The following ANOS1 variants were observed in gnomAD, a reference collection of about 807,000 sequenced individuals.
ANOS1 encodes anosmin-1.
ANOS1 carries 6 observed loss-of-function variants against 59.0 expected under a neutral mutation model. The observed-to-expected ratio is 0.10, with a 90% CI of 0.06 to 0.20. The LOEUF (loss-of-function observed/expected upper bound fraction) is 0.20. ANOS1 is among the 10% of genes least tolerant of loss of function. ANOS1 has a pLI of 1.00. For missense variants in ANOS1, 433 were observed against 542.3 expected (o/e 0.80, Z 2.00); for synonymous variants, 217 against 223.4 (o/e 0.97, Z 0.25).
At position 8,536,882 on chromosome X, in the gene ANOS1, G is replaced by T. The variant is rs1237350152; in HGVS notation, c.1510C>A (p.Pro504Thr). The T allele has an allele frequency of 8.3e-7, 1 of 1,207,747 alleles. No homozygotes were observed. Among genetic ancestry groups the T allele is most frequent in the Admixed American group, 2.2e-5 (1 of 45,983 alleles). ...FSCKYKVTVQPIRPKSHSKAE... is the reference protein window; with the variant it reads ...FSCKYKVTVQTIRPKSHSKAE... ...TTGGAGTGACTTTTTGGCCGTATTGGTTGGACAGTCACCTTATACTTGCAG... is the reference window on the plus strand; with the variant it reads ...TTGGAGTGACTTTTTGGCCGTATTGTTTGGACAGTCACCTTATACTTGCAG... Residue 504 changes from proline (P) to threonine (T), a missense_variant, in exon 11 of 14, where the codon CCA becomes ACA. Physicochemically the swap from Pro to Thr is conservative, Grantham distance 38. Coordinates refer to ENST00000262648, the MANE Select transcript of ANOS1 (RefSeq NM_000216.4).
rs147553386 is a variant in ANOS1, at chrX:8,621,683, C to T, written c.318+1925G>A. The stretch of plus-strand genomic sequence containing the variant: ...ACCGTGTAAGATCAATAGGATAAAT[C>T]CCTCATTTGAAAAATGAGGTTGAAG... On this transcript the variant is annotated intron_variant, in intron 3 of 13. Coordinates refer to ENST00000262648, the MANE Select transcript of ANOS1 (RefSeq NM_000216.4). Among the ~76,000 whole-genome samples the T allele has an allele frequency of 6.4e-3, 719 of 111,656 alleles. 4 individuals are homozygous for T. Among genetic ancestry groups the T allele is most frequent in the African/African-American group, 0.022 (691 of 30,761 alleles).
At chrX:8,615,901 T>C (rs967741618) in intron 3 of ANOS1, among the ~76,000 whole-genome samples, 1 of 111,185 alleles carries the variant, frequency 9.0e-6, no homozygotes, top group South Asian at 3.8e-4. Flanking sequence ...CCCCCCTTTC[T>C]CCTCTAACAT....
At chrX:8,566,672 T>C (rs1373347713) in intron 8 of ANOS1, among the ~76,000 whole-genome samples, 3 of 111,414 alleles carry the variant, frequency 2.7e-5, no homozygotes, top group African/African-American at 9.8e-5. Context: ...TGAGAACTTT[T>C]AGGTAAAATT....
intron 9 of ANOS1, among the ~76,000 whole-genome samples, chrX:8,546,272 G>GA (rs1486733142): frequency 8.9e-6 from 1 of 111,804 alleles, no homozygotes; most frequent in Non-Finnish European, 1.9e-5. Flanking sequence ...CTGTAAGGAG[G>GA]AAAAATGTGG....
intron 3 of ANOS1, among the ~76,000 whole-genome samples, chrX:8,615,368 C>T (rs927327872): frequency 3.6e-4 from 39 of 109,466 alleles, no homozygotes; most frequent in Non-Finnish European, 5.3e-4. Flanking sequence ...GATGGTGAAA[C>T]CCTGTCTCTA....
At chrX:8,650,169 CAACTGCAG>C (rs1235085017) in intron 2 of ANOS1, among the ~76,000 whole-genome samples, 13 of 112,330 alleles carry the variant, frequency 1.2e-4, no homozygotes, top group African/African-American at 4.2e-4. Flanking sequence ...CATTTCCAGG[CAACTGCAG>C]AACACTGCAG....
chrX:8,654,092 T>C (rs1435308647), intron 2 of ANOS1, among the ~76,000 whole-genome samples: 1 of 111,573 alleles, frequency 9.0e-6, no homozygotes, highest in Non-Finnish European at 1.9e-5. Context: ...CTTCTCTGTC[T>C]TTACTCTCAA....
At chrX:8,722,198 C>A (rs1401240897) in intron 1 of ANOS1, among the ~76,000 whole-genome samples, 1 of 111,816 alleles carries the variant, frequency 8.9e-6, no homozygotes, top group Non-Finnish European at 1.9e-5. Context: ...TAAATCAGTA[C>A]TTTTTAAAAA....
At chrX:8,689,123 T>C (rs1932566070) in intron 2 of ANOS1, among the ~76,000 whole-genome samples, 2 of 112,190 alleles carry the variant, frequency 1.8e-5, no homozygotes, top group African/African-American at 6.5e-5. Flanking sequence ...GGGACCCTGC[T>C]GGAAGCCTTC....
At chrX:8,648,525 G>A (rs1931798854) in intron 2 of ANOS1, among the ~76,000 whole-genome samples, 1 of 108,824 alleles carries the variant, frequency 9.2e-6, no homozygotes, top group Non-Finnish European at 1.9e-5. Context: ...AAATTTAACT[G>A]GATGAAGTAA....
chrX:8,701,415 C>A (rs986013262), intron 1 of ANOS1, among the ~76,000 whole-genome samples: 2 of 112,326 alleles, frequency 1.8e-5, no homozygotes, highest in Non-Finnish European at 1.9e-5. Context: ...AAAATTCACT[C>A]ATTTAAATTG....
At chrX:8,561,456 T>C (rs767933703) in intron 8 of ANOS1, among the ~76,000 whole-genome samples, 17 of 93,421 alleles carry the variant, frequency 1.8e-4, no homozygotes, top group African/African-American at 6.6e-4. Context: ...CTCACCACCA[T>C]GCCCGGCTAA....
At chrX:8,702,723 G>A (rs1020787558) in intron 1 of ANOS1, among the ~76,000 whole-genome samples, 6 of 112,230 alleles carry the variant, frequency 5.3e-5, no homozygotes, top group African/African-American at 9.7e-5. Flanking sequence ...TTCCAAGGAC[G>A]ACACCTGTCT....
chrX:8,658,768 C>A (rs1931975952), intron 2 of ANOS1, among the ~76,000 whole-genome samples: 1 of 111,705 alleles, frequency 9.0e-6, no homozygotes, highest in Non-Finnish European at 1.9e-5. Flanking sequence ...GAGGCATGCA[C>A]CAGAATGCTG....
At chrX:8,640,591 C>CAAAA (rs545822787) in intron 2 of ANOS1, among the ~76,000 whole-genome samples, 10 of 31,544 alleles carry the variant, frequency 3.2e-4, no homozygotes, top group African/African-American at 8.5e-4. Flanking sequence ...TGAACCTGTA[C>CAAAA]AAAAAAAAAA....
intron 9 of ANOS1, among the ~76,000 whole-genome samples, chrX:8,541,422 A>C (rs1929686062): frequency 1.0e-5 from 1 of 96,905 alleles, no homozygotes; most frequent in African/African-American, 3.7e-5. Flanking sequence ...CCCCCCCCAA[A>C]AACAAAAAAA....
At chrX:8,603,118 T>G (rs1358578309) in intron 3 of ANOS1, among the ~76,000 whole-genome samples, 1 of 112,120 alleles carries the variant, frequency 8.9e-6, no homozygotes, top group African/African-American at 3.2e-5. Flanking sequence ...TTAATTTTGT[T>G]TATTTTGCCC....
At chrX:8,540,283 G>A (rs1479512734) in intron 9 of ANOS1, among the ~76,000 whole-genome samples, 1 of 111,267 alleles carries the variant, frequency 9.0e-6, no homozygotes, top group Non-Finnish European at 1.9e-5. Context: ...GGCTATCCAC[G>A]TTTATTTCCT....
intron 2 of ANOS1, among the ~76,000 whole-genome samples, chrX:8,659,584 GCCTTCCTT>G (rs201790891): frequency 0.079 from 4,552 of 57,604 alleles, 167 homozygotes; most frequent in Middle Eastern, 0.12. Flanking sequence ...TTGCTTGCTT[GCCTTCCTT>G]CCTTCCTTCC....
Sources: allele counts gnomAD v4.1 joint callset (sites outside exome capture counted in the v4.1 genomes callset), GRCh38; gene constraint gnomAD v4.1.1; transcripts MANE v1.5; gene names NCBI Gene and HGNC (gene_info 2026-07-23, HGNC 2026-07-21).